DOK6: variants seen among roughly 807,000 people sequenced by gnomAD.
The protein encoded by DOK6 is downstream of tyrosine kinase 6.
Under a neutral mutation model 44.0 loss-of-function variants are expected in DOK6, and 22 were observed. That is an observed-to-expected ratio of 0.50 (90% confidence interval 0.36 to 0.71). DOK6 has a LOEUF of 0.71. Among genes scored for constraint, DOK6 ranks in the 30% least tolerant of loss-of-function variants. The pLI, the probability that DOK6 is intolerant of heterozygous loss-of-function variation, is 0.00. For synonymous variants in DOK6, 166 were observed against 145.5 expected (o/e 1.14, Z -1.01); for missense variants, 340 against 416.4 (o/e 0.82, Z 1.60).
intron 3 of DOK6, among the ~76,000 whole-genome samples, chr18:69,657,734 A>C (rs924307097): frequency 6.6e-6 from 1 of 152,210 alleles, no homozygotes; most frequent in Non-Finnish European, 1.5e-5. Context: ...GCCCAACACA[A>C]GAAGGAAATA....
At chr18:69,733,117 G>A (rs914679140) in intron 5 of DOK6, among the ~76,000 whole-genome samples, 17 of 151,900 alleles carry the variant, frequency 1.1e-4, no homozygotes, top group South Asian at 2.1e-4. Flanking sequence ...TTACTTGAGC[G>A]CAGGAGTTCA....
intron 3 of DOK6, among the ~76,000 whole-genome samples, chr18:69,605,892 G>T (rs1260780561): frequency 6.6e-6 from 1 of 152,102 alleles, no homozygotes; most frequent in Non-Finnish European, 1.5e-5. Flanking sequence ...GCCACAGTAA[G>T]GCAAGAAAGA....
chr18:69,733,252 G>A (rs1978477927), intron 5 of DOK6, among the ~76,000 whole-genome samples: 1 of 151,838 alleles, frequency 6.6e-6, no homozygotes, highest in African/African-American at 2.4e-5. Context: ...TATTATTTAT[G>A]TAAAGATTTA....
At chr18:69,486,226 A>G (rs1275504812) in intron 1 of DOK6, among the ~76,000 whole-genome samples, 1 of 152,074 alleles carries the variant, frequency 6.6e-6, no homozygotes, top group Non-Finnish European at 1.5e-5. Context: ...CATTAGCTTT[A>G]CTAAGAACAT....
chr18:69,477,402 G>T (rs1338346084), intron 1 of DOK6, among the ~76,000 whole-genome samples: 1 of 152,134 alleles, frequency 6.6e-6, no homozygotes, highest in African/African-American at 2.4e-5. Flanking sequence ...TTAAATTTTT[G>T]ATCAAATAAA....
intron 1 of DOK6, among the ~76,000 whole-genome samples, chr18:69,519,686 G>A (rs1981634151): frequency 6.6e-6 from 1 of 151,854 alleles, no homozygotes; most frequent in African/African-American, 2.4e-5. Flanking sequence ...TATTTTATCA[G>A]TTTTACTGTC....
intron 3 of DOK6, among the ~76,000 whole-genome samples, chr18:69,674,598 C>G (rs1268137232): frequency 1.3e-5 from 2 of 152,136 alleles, no homozygotes; most frequent in Non-Finnish European, 2.9e-5. Flanking sequence ...TGTGTGCACA[C>G]ACACCCACAC....
At chr18:69,500,189 C>T (rs1981008712) in intron 1 of DOK6, among the ~76,000 whole-genome samples, 1 of 152,132 alleles carries the variant, frequency 6.6e-6, no homozygotes, top group Admixed American at 6.5e-5. Flanking sequence ...CTATTTTCCA[C>T]CAACATACAT....
chr18:69,563,420 G>A (rs1035013729), intron 1 of DOK6, among the ~76,000 whole-genome samples: 2 of 152,092 alleles, frequency 1.3e-5, no homozygotes, highest in Admixed American at 1.3e-4. Context: ...AACAATGATA[G>A]ACTGCATGAA....
intron 6 of DOK6, 198 bp downstream of exon 6, chr18:69,739,301 T>A: frequency 1.6e-6 from 1 of 611,396 alleles, no homozygotes; most frequent in South Asian, 3.1e-5. Context: ...GGCCACCAAC[T>A]GTGAGCCCTG....
chr18:69,466,276 C>T (rs1428212541), intron 1 of DOK6, among the ~76,000 whole-genome samples: 1 of 152,200 alleles, frequency 6.6e-6, no homozygotes. Context: ...ATTTGTCCTT[C>T]TGTGCCTGCC....
intron 6 of DOK6, among the ~76,000 whole-genome samples, chr18:69,753,061 G>C (rs1979236304): frequency 6.6e-6 from 1 of 152,200 alleles, no homozygotes; most frequent in Non-Finnish European, 1.5e-5. Context: ...CAAAGCCAGA[G>C]TGACACAGGA....
chr18:69,694,089 A>AAAAAAAAAAAAAAAAAT lies in DOK6; in HGVS notation c.410-4314_410-4313insAAAAAAAAAAAAAAATA, dbSNP rs1372739323. Among the ~76,000 whole-genome samples, 11 of 144,318 alleles carry AAAAAAAAAAAAAAAAAT rather than the reference A, an allele frequency of 7.6e-5. 1 individual carries two copies. The highest frequency in any genetic ancestry group is 1.5e-4 in the Non-Finnish European group (10 of 66,098). The allele number at this position is 144,318 out of a possible 152,430, so 94.7% of individuals were successfully genotyped here. A position where few individuals can be genotyped will look rare whatever the true frequency, so the allele number is the denominator to read the frequency against. Reference sequence around the variant, plus strand: ...AAAAAAAAAAAAAAAAAAAAAAAAAAATTGATCTATTTAAAAACTCACTGG... The same window carrying AAAAAAAAAAAAAAAAAT: ...AAAAAAAAAAAAAAAAAAAAAAAAAAAAAAAAAAAAAAAAAATATTGATCTATTTAAAAACTCACTGG... On this transcript the variant is annotated intron_variant, in intron 4 of 7. Transcript: ENST00000382713.
chr18:69,576,736 G>C (rs953031418), intron 2 of DOK6, among the ~76,000 whole-genome samples: 1 of 152,032 alleles, frequency 6.6e-6, no homozygotes, highest in Non-Finnish European at 1.5e-5. Flanking sequence ...ATGCATTAGG[G>C]TTGAAAATGT....
chr18:69,643,456 C>T (rs1164065827), intron 3 of DOK6, among the ~76,000 whole-genome samples: 1 of 152,178 alleles, frequency 6.6e-6, no homozygotes, highest in Admixed American at 6.6e-5. Flanking sequence ...TAACCTTTGG[C>T]TTGTATCTTC....
At chr18:69,802,720 C>A (rs559591838) in intron 7 of DOK6, among the ~76,000 whole-genome samples, 4 of 152,118 alleles carry the variant, frequency 2.6e-5, no homozygotes, top group African/African-American at 4.8e-5. Flanking sequence ...GATATGCTGG[C>A]TCTCTCTTGG....
At chr18:69,639,543 G>A (rs539213031) in intron 3 of DOK6, among the ~76,000 whole-genome samples, 10 of 152,228 alleles carry the variant, frequency 6.6e-5, no homozygotes, top group African/African-American at 1.7e-4. Flanking sequence ...TTGAGTCCTC[G>A]TGCAGCCTTT....
chr18:69,534,077 C>G (rs1982054987), intron 1 of DOK6, among the ~76,000 whole-genome samples: 1 of 152,204 alleles, frequency 6.6e-6, no homozygotes, highest in Non-Finnish European at 1.5e-5. Flanking sequence ...CTCATTAAAT[C>G]ATTGCAACAA....
chr18:69,650,450 G>A (rs1985195031), intron 3 of DOK6, among the ~76,000 whole-genome samples: 1 of 152,064 alleles, frequency 6.6e-6, no homozygotes, highest in East Asian at 1.9e-4. Flanking sequence ...TCAGACCCGG[G>A]GTCCTAAAAA....
Sources: allele counts gnomAD v4.1 joint callset (sites outside exome capture counted in the v4.1 genomes callset), GRCh38; gene constraint gnomAD v4.1.1; transcripts MANE v1.5; gene names NCBI Gene and HGNC (gene_info 2026-07-23, HGNC 2026-07-21).